USP9X: variants seen among roughly 807,000 people sequenced by gnomAD.
USP9X encodes ubiquitin carboxyl-terminal hydrolase 9X.
USP9X carries 7 observed loss-of-function variants against 190.3 expected under a neutral mutation model. The observed-to-expected ratio is 0.04, with a 90% confidence interval of 0.02 to 0.07. The LOEUF (loss-of-function observed/expected upper bound fraction) is 0.07, where lower values mean the gene tolerates loss of function less well. Among genes scored for constraint, USP9X ranks in the 10% least tolerant of loss-of-function variants. The pLI is 1.00. For synonymous variants in USP9X, 645 were observed against 659.5 expected, an observed-to-expected ratio of 0.98 and a Z score of 0.34; for missense variants, 1,010 against 1,916.9, an observed-to-expected ratio of 0.53 and a Z score of 8.83.
At chrX:41,170,640 A>G in intron 20 of USP9X, 21 bp downstream of exon 20, 5 of 1,199,708 alleles carry the variant, frequency 4.2e-6, no homozygotes, top group Non-Finnish European at 5.6e-6. Context: ...ACAGTTTTGA[A>G]CTACTGTATG....
At chrX:41,088,640 A>AG (rs1297666069) in intron 1 of USP9X, among the ~76,000 whole-genome samples, 2 of 111,964 alleles carry the variant, frequency 1.8e-5, no homozygotes, top group Non-Finnish European at 3.8e-5. Flanking sequence ...AGTGAAGGTG[A>AG]GGGGGGTCTT....
chrX:41,171,688 G>C (rs1203916516), intron 20 of USP9X, 150 bp from the exon 21 acceptor site: 1 of 675,504 alleles, frequency 1.5e-6, no homozygotes, highest in Non-Finnish European at 2.3e-6. Flanking sequence ...GGATTTGTAG[G>C]GATTAAAAGA....
Position 41,183,910 on chromosome X carries a change from C to T in USP9X, c.3149-88C>T, listed in dbSNP as rs765550005. On this transcript the variant is annotated intron_variant, in intron 21 of 44. Coordinates refer to ENST00000378308, the MANE Select transcript of USP9X (RefSeq NM_001039591.3). ...AGCCCAACTGAGTGGATTGTTATTC[C>T]ATATTAGTATGGTCTTCAAGATATC... 1.9e-5 allele frequency: 20 copies of T among 1,029,137 alleles called. No individual in the cohort carries two copies. The South Asian group carries it at 5.6e-4, about 29-fold the overall frequency. The allele number at this position is 1,029,137 out of a possible 1,213,427, so 84.8% of individuals were successfully genotyped here.
chrX:41,136,898 C>T lies in USP9X; in HGVS notation c.530C>T (p.Ala177Val). The T allele has an allele frequency of 8.3e-7, 1 of 1,210,815 alleles. No homozygotes were observed. The highest frequency in any genetic ancestry group is 2.3e-4 in the Middle Eastern group (1 of 4,352). Residue 177 changes from alanine to valine, a missense_variant, in exon 6 of 45, where the codon GCC becomes GTC. Physicochemically the swap from Ala to Val is moderately conservative, Grantham distance 64 (BLOSUM62 0). Coordinates refer to ENST00000378308, the MANE Select transcript of USP9X (RefSeq NM_001039591.3). ...CCACTTTTAGAACTTCTTGCCATGG[C>T]CTTAAATCCTCATTGCAAATTCCAT... ...WFPLLELLAM[A>V]LNPHCKFHIY...
At chrX:41,179,905 C>A (rs1467175498) in intron 21 of USP9X, among the ~76,000 whole-genome samples, 1 of 111,801 alleles carries the variant, frequency 8.9e-6, no homozygotes, top group East Asian at 2.8e-4. Context: ...CTATCTATCC[C>A]CATCTTCACT....
intron 1 of USP9X, among the ~76,000 whole-genome samples, chrX:41,111,592 T>A (rs2062108824): frequency 9.0e-6 from 1 of 111,429 alleles, no homozygotes; most frequent in African/African-American, 3.3e-5. Flanking sequence ...TGTGAGTACT[T>A]GATGAATCCT....
chrX:41,140,609 T>TA, intron 6 of USP9X, 47 bp from the exon 7 acceptor site: 1 of 985,050 alleles, frequency 1.0e-6, no homozygotes, highest in Non-Finnish European at 1.4e-6. Flanking sequence ...TCGTGCTTTT[T>TA]ACCCTTTAAA....
chrX:41,150,151 GA>G (rs1212468813), intron 12 of USP9X, among the ~76,000 whole-genome samples: 35 of 96,230 alleles, frequency 3.6e-4, no homozygotes, highest in East Asian at 6.4e-4. Context: ...GGGGTTTCAG[GA>G]AAAAAAAAAA....
intron 10 of USP9X, among the ~76,000 whole-genome samples, chrX:41,143,905 A>G (rs781138638): frequency 1.8e-5 from 2 of 111,958 alleles, no homozygotes; most frequent in Admixed American, 9.5e-5. Flanking sequence ...AACTCCTTCT[A>G]TTATCTTAAT....
intron 12 of USP9X, among the ~76,000 whole-genome samples, chrX:41,149,979 T>C (rs1224685238): frequency 9.0e-6 from 1 of 111,508 alleles, no homozygotes; most frequent in Non-Finnish European, 1.9e-5. Flanking sequence ...GTGGTGGGAT[T>C]ACAGGCATGA....
intron 30 of USP9X, among the ~76,000 whole-genome samples, chrX:41,200,026 G>A (rs968897969): frequency 1.8e-5 from 2 of 111,490 alleles, no homozygotes; most frequent in South Asian, 3.7e-4. Flanking sequence ...AGAGAAAATC[G>A]CTATTTAGAA....
chrX:41,157,813 A>G (rs1252725689), intron 14 of USP9X, among the ~76,000 whole-genome samples: 1 of 111,948 alleles, frequency 8.9e-6, no homozygotes, highest in Non-Finnish European at 1.9e-5. Context: ...GGCTTTGCAG[A>G]CAGACTTGAC....
rs145694517 is a variant in USP9X at position 41,155,503 on chromosome X, C to T, written c.1897+2422C>T. On this transcript the variant is annotated intron_variant, in intron 14 of 44. Transcript: ENST00000378308. The stretch of plus-strand genomic sequence containing the variant: ...TTGTTTCTGGATAGAGTTGGATGAC[C>T]CAACTTCACTGTAGGTCAGATTTTT... 3.8e-3 allele frequency among the ~76,000 whole-genome samples: 428 copies of T among 111,567 alleles called. 4 individuals carry two copies. The highest frequency in any genetic ancestry group is 0.013 in the African/African-American group (408 of 30,661).
In USP9X at chrX:41,216,217, A is replaced by G. The variant is rs1314675319; in HGVS notation, c.5650A>G (p.Ile1884Val). ...GAGTGGGGGGCATTATTATTCTTAC[A>G]TCATCCAAAGGAATGGTGGAGATGG... is the stretch of plus-strand genomic sequence containing the variant. ...QASGGHYYSY[I>V]IQRNGGDGER... is the part of the protein sequence containing the mutation. The change falls in exon 35 of 45, where the codon ATC becomes GTC. Residue 1884 changes from isoleucine to valine, a missense_variant. By Grantham distance (29) the Ile-to-Val change is conservative (BLOSUM62 3). Around this residue, in one of 11 missense-constraint regions of USP9X, gnomAD observed 120 missense variants for 342.7 expected, o/e 0.35. Transcript: ENST00000378308. 2.7e-5 allele frequency: 33 copies of G among 1,211,618 alleles called. No homozygotes were observed. The highest frequency in any genetic ancestry group is 8.9e-5 in the East Asian group (3 of 33,861).
At chrX:41,181,682 C>T (rs1042906707) in intron 21 of USP9X, among the ~76,000 whole-genome samples, 2 of 109,185 alleles carry the variant, frequency 1.8e-5, no homozygotes, top group East Asian at 5.7e-4. Context: ...CTCCTGACCT[C>T]AAGTGATCCG....
At chrX:41,106,887 C>CTTTTT (rs60809399) in intron 1 of USP9X, among the ~76,000 whole-genome samples, 28 of 79,945 alleles carry the variant, frequency 3.5e-4, no homozygotes, top group East Asian at 7.7e-4. Context: ...CTTTTCTTTT[C>CTTTTT]TTTTTTTTTT....
intron 14 of USP9X, among the ~76,000 whole-genome samples, chrX:41,160,312 A>G (rs986125901): frequency 1.7e-4 from 19 of 108,723 alleles, no homozygotes; most frequent in Non-Finnish European, 3.4e-4. Context: ...CTACCAATTT[A>G]TATATATACA....
At chrX:41,148,705 T>C (rs1427189936) in intron 12 of USP9X, 130 bp downstream of exon 12, 1 of 615,664 alleles carries the variant, frequency 1.6e-6, no homozygotes, top group African/African-American at 2.3e-5. Flanking sequence ...ACTTTTTTTG[T>C]TCATTAGTCT....
chrX:41,222,786 G>T (rs1315885867), intron 38 of USP9X, among the ~76,000 whole-genome samples: 1 of 111,242 alleles, frequency 9.0e-6, no homozygotes, highest in South Asian at 3.8e-4. Context: ...CATGGTACGT[G>T]CCTGTAGTCC....
Sources: gnomAD v4.1 joint callset for allele counts (sites outside exome capture counted in the v4.1 genomes callset) on GRCh38, gnomAD v4.1.1 for gene constraint, gnomAD v4.1.1 regional missense constraint, MANE v1.5 for transcripts, NCBI Gene and HGNC (gene_info 2026-07-23, HGNC 2026-07-21) for gene names.